Variants in TBPL2 observed in about 807,000 individuals in gnomAD.
TBPL2 encodes the protein TATA-box binding protein like 2, also known as TATA box-binding protein-like 2.
TBPL2 carries 40 observed loss-of-function variants against 38.2 expected under a neutral mutation model. The observed-to-expected ratio is 1.05, with a 90% confidence interval of 0.81 to 1.36. The LOEUF is 1.36. TBPL2 is among the 40% of genes most tolerant of loss of function. The pLI, the probability that TBPL2 is intolerant of heterozygous loss-of-function variation, is 0.00. For missense variants in TBPL2, 461 were observed against 456.7 expected (o/e 1.01, Z -0.09); for synonymous variants, 169 against 171.7 (o/e 0.98, Z 0.12).
intron 4 of TBPL2, 68 bp downstream of exon 4, chr14:55,433,562 T>C: frequency 6.8e-7 from 1 of 1,461,604 alleles, no homozygotes; most frequent in South Asian, 1.2e-5. Context: ...AGCACATTAA[T>C]TCTATGCTTC....
At chr14:55,424,101 G>C in intron 6 of TBPL2, 58 bp downstream of exon 6, 1 of 1,225,712 alleles carries the variant, frequency 8.2e-7, no homozygotes, top group East Asian at 2.3e-5. Flanking sequence ...AAAAGAATAA[G>C]CAAAGCACAT....
rs1236570071 is a variant in TBPL2 at position 55,428,988 on chromosome 14, AAT to A, written c.789-16_789-15del. 6.2e-7 allele frequency: 1 copy of A among 1,613,480 alleles called. No homozygotes were observed. The highest frequency in any genetic ancestry group is 8.5e-7 in the Non-Finnish European group (1 of 1,179,884). Reference sequence around the variant, plus strand: ...GACTGCTCTTCACTGGGGAGGGGCAAATATGTTTAAAGATGTCTTAATCGCTA... The same window carrying A: ...GACTGCTCTTCACTGGGGAGGGGCAAATGTTTAAAGATGTCTTAATCGCTA... On this transcript the variant is annotated splice_polypyrimidine_tract_variant and intron_variant, in intron 4 of 6. Coordinates refer to ENST00000247219, the Ensembl canonical transcript of TBPL2.
intron 5 of TBPL2, among the ~76,000 whole-genome samples, chr14:55,425,993 T>C (rs1254602655): frequency 6.6e-6 from 1 of 152,064 alleles, no homozygotes; most frequent in Non-Finnish European, 1.5e-5. Context: ...GGGGGCCGGG[T>C]GCGGTGGCTC....
chr14:55,423,345 A>G (rs540176776), intron 6 of TBPL2, among the ~76,000 whole-genome samples: 1 of 152,382 alleles, frequency 6.6e-6, no homozygotes, highest in East Asian at 1.9e-4. Flanking sequence ...CAATTGGGCG[A>G]TTTGTTCTAA....
In TBPL2 at chr14:55,433,629, C is replaced by G. The variant is rs371131864; in HGVS notation, c.788+1G>C. On this transcript the variant is annotated splice_donor_variant, in intron 4 of 6. Coordinates refer to ENST00000247219, the Ensembl canonical transcript of TBPL2. LOFTEE classifies it high-confidence loss of function. Reference sequence around the variant, plus strand: ...AGGGGTGGAGGGATGATTCCTCATACCTTTTGGCTCCCGTGCAGACCATCT... The same window carrying G: ...AGGGGTGGAGGGATGATTCCTCATAGCTTTTGGCTCCCGTGCAGACCATCT... 1.1e-5 allele frequency: 17 copies of G among 1,613,574 alleles called. No individual in the cohort carries two copies. Among genetic ancestry groups the G allele is most frequent in the Non-Finnish European group, 1.4e-5 (16 of 1,179,714 alleles).
At chr14:55,417,637 T>A (rs1335100486) in intron 6 of TBPL2, among the ~76,000 whole-genome samples, 1 of 152,060 alleles carries the variant, frequency 6.6e-6, no homozygotes, top group Non-Finnish European at 1.5e-5. Context: ...TTTTGTCTAT[T>A]TTCAGTAGAG....
chr14:55,416,054 A>C (rs1885664188), intron 6 of TBPL2, among the ~76,000 whole-genome samples: 1 of 152,182 alleles, frequency 6.6e-6, no homozygotes, highest in South Asian at 2.1e-4. Context: ...TGGAGACAGA[A>C]TTCAGATTGG....
chr14:55,422,834 C>A (rs1206911931), intron 6 of TBPL2, among the ~76,000 whole-genome samples: 1 of 152,072 alleles, frequency 6.6e-6, no homozygotes, highest in Non-Finnish European at 1.5e-5. Context: ...GCCTGGGCAA[C>A]AGAGTGAGAC....
rs1413974948 is a variant in TBPL2 at position 55,428,979 on chromosome 14, G to A, written c.789-5C>T. On this transcript the variant is annotated splice_region_variant and splice_polypyrimidine_tract_variant and intron_variant, in intron 4 of 6. Coordinates refer to ENST00000247219, the Ensembl canonical transcript of TBPL2. ...GCAAGTCGAGACTGCTCTTCACTGG[G>A]GAGGGGCAAATATGTTTAAAGATGT... 2.7e-5 allele frequency: 44 copies of A among 1,613,928 alleles called. No individual in the cohort carries two copies. The highest frequency in any genetic ancestry group is 3.5e-5 in the Non-Finnish European group (41 of 1,179,960).
At chr14:55,432,869 G>A (rs1037578531) in intron 4 of TBPL2, among the ~76,000 whole-genome samples, 1 of 152,188 alleles carries the variant, frequency 6.6e-6, no homozygotes, top group African/African-American at 2.4e-5. Flanking sequence ...GTGAGATCCA[G>A]GAGAGATGAG....
intron 6 of TBPL2, 129 bp from the exon 7 acceptor site, chr14:55,414,584 G>T: frequency 1.6e-6 from 1 of 633,008 alleles, no homozygotes; most frequent in South Asian, 2.7e-5. Context: ...CCTGAGAAAT[G>T]GCATTTATTC....
intron 6 of TBPL2, 36 bp from the exon 7 acceptor site, chr14:55,414,491 T>TA: frequency 6.9e-7 from 1 of 1,442,674 alleles, no homozygotes. Flanking sequence ...ATTTTTAATA[T>TA]AAAAATACCA....
chr14:55,434,385 T>G (rs1233803409), intron 3 of TBPL2, among the ~76,000 whole-genome samples: 1 of 152,022 alleles, frequency 6.6e-6, no homozygotes, highest in African/African-American at 2.4e-5. Flanking sequence ...GGACGTGTCA[T>G]CAAATGGCCT....
intron 6 of TBPL2, among the ~76,000 whole-genome samples, chr14:55,421,826 G>A (rs1247511769): frequency 2.0e-5 from 3 of 152,162 alleles, no homozygotes; most frequent in African/African-American, 4.8e-5. Context: ...ACAACTCAGA[G>A]TTATAAAAGA....
At chr14:55,423,148 A>G (rs552133271) in intron 6 of TBPL2, among the ~76,000 whole-genome samples, 1 of 152,336 alleles carries the variant, frequency 6.6e-6, no homozygotes, top group South Asian at 2.1e-4. Context: ...GATGTGTTGA[A>G]AAATGGTCGA....
chr14:55,430,128 T>A (rs914987953), intron 4 of TBPL2, among the ~76,000 whole-genome samples: 5 of 152,110 alleles, frequency 3.3e-5, no homozygotes, highest in Admixed American at 1.3e-4. Context: ...TCCTTAGGTA[T>A]TTTTCAACTG....
intron 1 of TBPL2, among the ~76,000 whole-genome samples, chr14:55,440,169 T>C (rs1423096649): frequency 6.6e-6 from 1 of 152,094 alleles, no homozygotes; most frequent in Non-Finnish European, 1.5e-5. Context: ...ATCTGGTAAC[T>C]GAGTGAACGG....
intron 6 of TBPL2, among the ~76,000 whole-genome samples, chr14:55,416,426 C>T (rs1002017645): frequency 6.6e-6 from 1 of 151,370 alleles, no homozygotes; most frequent in Non-Finnish European, 1.5e-5. Context: ...ACCCTGTCTC[C>T]ATAAAAATAA....
chr14:55,435,402 A>C (rs1260977288), intron 3 of TBPL2, among the ~76,000 whole-genome samples: 1 of 150,772 alleles, frequency 6.6e-6, no homozygotes, highest in Non-Finnish European at 1.5e-5. Flanking sequence ...CAACCTCCTG[A>C]GTAGCTGGGA....
Sources: allele counts gnomAD v4.1 joint callset (sites outside exome capture counted in the v4.1 genomes callset), GRCh38; gene constraint gnomAD v4.1.1; transcripts MANE v1.5; gene names NCBI Gene and HGNC (gene_info 2026-07-23, HGNC 2026-07-21).